ITGB8: variants seen among roughly 807,000 people sequenced by gnomAD.
The protein encoded by ITGB8 is integrin subunit beta 8.
Under a neutral mutation model 89.5 loss-of-function variants are expected in ITGB8, and 30 were observed. The observed-to-expected ratio is 0.34, with a 90% confidence interval of 0.25 to 0.45. ITGB8 has a LOEUF of 0.45. ITGB8 is among the 20% of genes least tolerant of loss of function. The pLI is 1.00. For missense variants in ITGB8, 836 were observed against 933.3 expected, an observed-to-expected ratio of 0.90 and a Z score of 1.36; for synonymous variants, 335 against 320.4, an observed-to-expected ratio of 1.05 and a Z score of -0.49.
chr7:20,395,966 C>T (rs1254822511), intron 8 of ITGB8, among the ~76,000 whole-genome samples: 2 of 152,164 alleles, frequency 1.3e-5, no homozygotes, highest in East Asian at 1.9e-4. Flanking sequence ...TATGGGCCAA[C>T]TATAGAGTCT....
rs993985844 is a variant in ITGB8 at position 20,412,144 on chromosome 7, C to A, written c.*2147C>A. ...TCTACCCTAAAGAGAACTGAAAAAC[C>A]TATAATAAGTTGTTCTGGAGCCAAT... On this transcript the variant is annotated 3_prime_UTR_variant, in exon 14 of 14. Coordinates refer to ENST00000222573, the MANE Select transcript of ITGB8 (RefSeq NM_002214.3). 1 of 152,432 alleles carries A rather than the reference C, an allele frequency of 6.6e-6. No homozygotes were observed. The highest frequency in any genetic ancestry group is 1.5e-5 in the Non-Finnish European group (1 of 68,020). The allele number at this position is 152,432 out of a possible 1,614,324, so 9.4% of individuals were successfully genotyped here.
intron 1 of ITGB8, among the ~76,000 whole-genome samples, chr7:20,333,407 T>TA (rs1784475592): frequency 6.6e-6 from 1 of 152,194 alleles, no homozygotes; most frequent in East Asian, 1.9e-4. Flanking sequence ...CCGCTAAGCA[T>TA]AATTTCATCC....
intron 10 of ITGB8, among the ~76,000 whole-genome samples, chr7:20,404,242 T>A (rs190383739): frequency 1.3e-5 from 2 of 152,260 alleles, no homozygotes; most frequent in Non-Finnish European, 2.9e-5. Context: ...ATGGAAGCCA[T>A]ATCAAATACC....
At chr7:20,336,951 G>C (rs1222439960) in intron 1 of ITGB8, among the ~76,000 whole-genome samples, 1 of 152,194 alleles carries the variant, frequency 6.6e-6, no homozygotes, top group African/African-American at 2.4e-5. Flanking sequence ...TTTGAACTTA[G>C]AGAAATAAAA....
intron 1 of ITGB8, among the ~76,000 whole-genome samples, chr7:20,341,388 C>T (rs924786970): frequency 1.3e-5 from 2 of 152,040 alleles, no homozygotes; most frequent in African/African-American, 4.8e-5. Flanking sequence ...AAAAAGGTCC[C>T]TTTTGATGAG....
At chr7:20,362,703 C>T (rs759610230) in intron 1 of ITGB8, among the ~76,000 whole-genome samples, 2 of 152,088 alleles carry the variant, frequency 1.3e-5, no homozygotes, top group Admixed American at 6.6e-5. Flanking sequence ...CAGATCACAC[C>T]GTGACTTCCA....
chr7:20,395,189 T>C (rs956613801), intron 8 of ITGB8, among the ~76,000 whole-genome samples: 1 of 152,224 alleles, frequency 6.6e-6, no homozygotes, highest in Non-Finnish European at 1.5e-5. Flanking sequence ...GTGCCTCACT[T>C]TTCTCATTGA....
At chr7:20,409,800 A>G (rs576008701) in intron 13 of ITGB8, 22 bp downstream of exon 13, 9 of 1,611,844 alleles carry the variant, frequency 5.6e-6, no homozygotes, top group Non-Finnish European at 6.8e-6. Flanking sequence ...CTAAAAAAGA[A>G]CTGCTAACAG....
intron 3 of ITGB8, among the ~76,000 whole-genome samples, chr7:20,377,785 G>A (rs990240181): frequency 6.6e-6 from 1 of 152,158 alleles, no homozygotes; most frequent in Non-Finnish European, 1.5e-5. Flanking sequence ...GGAATGAGTA[G>A]TCCCTTTCTC....
Position 20,412,534 on chromosome 7 carries a change from C to T in ITGB8, c.*2537C>T, listed in dbSNP as rs1787800015. On this transcript the variant is annotated 3_prime_UTR_variant, in exon 14 of 14. Transcript: ENST00000222573. ...TAACAAAATGAAATCCTTAAAAATC[C>T]AGAGTTTATATTTTTTTTATACCCT... 6.6e-6 allele frequency: 1 copy of T among 152,402 alleles called. No individual in the cohort carries two copies. The highest frequency in any genetic ancestry group is 2.1e-4 in the South Asian group (1 of 4,808). The allele number at this position is 152,402 out of a possible 1,614,324, so 9.4% of individuals were successfully genotyped here. A position where few individuals can be genotyped will look rare whatever the true frequency, so the allele number is the denominator to read the frequency against.
At chr7:20,369,041 G>A (rs1299539441) in intron 3 of ITGB8, among the ~76,000 whole-genome samples, 1 of 152,126 alleles carries the variant, frequency 6.6e-6, no homozygotes, top group Non-Finnish European at 1.5e-5. Flanking sequence ...AAATGAGTCT[G>A]AAAATACTTC....
At chr7:20,390,276 A>C (rs536886407) in intron 6 of ITGB8, among the ~76,000 whole-genome samples, 158 of 152,300 alleles carry the variant, frequency 1.0e-3, no homozygotes, top group Non-Finnish European at 1.7e-3. Flanking sequence ...GCCATTAGGC[A>C]CCAGTGAATG....
At chr7:20,369,874 A>G (rs1038795352) in intron 3 of ITGB8, among the ~76,000 whole-genome samples, 1 of 152,136 alleles carries the variant, frequency 6.6e-6, no homozygotes, top group Non-Finnish European at 1.5e-5. Flanking sequence ...GAATAAATTG[A>G]AACTCTAGTC....
At chr7:20,398,523 C>T (rs1206514131) in intron 8 of ITGB8, among the ~76,000 whole-genome samples, 3 of 152,138 alleles carry the variant, frequency 2.0e-5, no homozygotes, top group South Asian at 4.1e-4. Context: ...GGTTTAATTA[C>T]ACTTTATCAT....
intron 3 of ITGB8, among the ~76,000 whole-genome samples, chr7:20,378,425 C>T (rs747239290): frequency 6.6e-6 from 1 of 152,214 alleles, no homozygotes; most frequent in Non-Finnish European, 1.5e-5. Flanking sequence ...CTTTAGCCCA[C>T]TGTCTCATTC....
intron 8 of ITGB8, among the ~76,000 whole-genome samples, 196 bp downstream of exon 8, chr7:20,395,181 G>C (rs1424531596): frequency 6.6e-6 from 1 of 152,172 alleles, no homozygotes; most frequent in Non-Finnish European, 1.5e-5. Context: ...TGCTTTCTGT[G>C]CCTCACTTTT....
Position 20,401,787 on chromosome 7 carries a change from A to G in ITGB8, c.1348A>G (p.Ile450Val). 1 of 1,608,290 alleles carries G rather than the reference A, an allele frequency of 6.2e-7. No individual in the cohort carries two copies. Among genetic ancestry groups the G allele is most frequent in the Non-Finnish European group, 8.5e-7 (1 of 1,178,528 alleles). Residue 450 changes from isoleucine to valine, a missense_variant, in exon 10 of 14, where the codon ATC becomes GTC. Ile to Val is a conservative substitution (Grantham distance 29). Around this residue, in one of 5 missense-constraint regions of ITGB8, gnomAD observed 422 missense variants for 416.9 expected, o/e 1.01. Transcript: ENST00000222573. ...CACAGGAGGAAAAAACTATGCAATAATCAAACCTATTGGTTTTAATGAAAC... is the reference window on the plus strand; with the variant it reads ...CACAGGAGGAAAAAACTATGCAATAGTCAAACCTATTGGTTTTAATGAAAC... Reference protein sequence around the residue: ...DVTGGKNYAIIKPIGFNETAK... With the variant: ...DVTGGKNYAIVKPIGFNETAK...
chr7:20,391,352 G>C (rs1243869380), intron 6 of ITGB8, 51 bp from the exon 7 acceptor site: 8 of 982,910 alleles, frequency 8.1e-6, no homozygotes, highest in African/African-American at 5.0e-5. Context: ...TGTTTGAATA[G>C]GATGGAGCTA....
chr7:20,387,065 T>C (rs77254950), intron 6 of ITGB8, among the ~76,000 whole-genome samples: 1,566 of 152,328 alleles, frequency 0.01, 11 homozygotes, highest in Middle Eastern at 0.02. Flanking sequence ...ATATCTTGCC[T>C]TTAGGAAAGG....
Sources: allele counts gnomAD v4.1 joint callset (sites outside exome capture counted in the v4.1 genomes callset), GRCh38; gene constraint gnomAD v4.1.1; regional missense constraint gnomAD v4.1.1; transcripts MANE v1.5; gene names NCBI Gene and HGNC (gene_info 2026-07-23, HGNC 2026-07-21).